NCKAP5: variants seen among roughly 807,000 people sequenced by gnomAD.
The protein encoded by NCKAP5 is NCK associated protein 5.
A neutral mutation model predicts 167.0 loss-of-function variants in NCKAP5; 92 were observed. The ratio of observed to expected loss-of-function variants is 0.55; its 90% CI spans 0.47 to 0.66. The LOEUF is 0.66. NCKAP5 is among the 30% of genes least tolerant of loss of function. NCKAP5 has a pLI of 0.00. For synonymous variants in NCKAP5, 891 were observed against 877.4 expected, an observed-to-expected ratio of 1.02 and a Z score of -0.27; for missense variants, 2,378 against 2,315.0, an observed-to-expected ratio of 1.03 and a Z score of -0.56.
In NCKAP5 at chr2:133,224,924, C is replaced by A. The variant is rs545391021; in HGVS notation, c.144-11145G>T. Among the ~76,000 whole-genome samples the A allele has an allele frequency of 2.6e-5, 4 of 152,200 alleles. No homozygotes were observed. In the South Asian group the frequency reaches 8.3e-4, roughly 32 times the overall value. ...AAATCATTGAAGAAACACTTAATTT[C>A]TTAATTATTGTGGAAAATCTAGGTT... On this transcript the variant is annotated intron_variant, in intron 4 of 19. Coordinates refer to ENST00000409261, the MANE Select transcript of NCKAP5 (RefSeq NM_207363.3).
the NCKAP5 span, among the ~76,000 whole-genome samples, chr2:133,603,525 C>T: frequency 8.1e-5 from 12 of 148,334 alleles, no homozygotes; most frequent in East Asian, 1.4e-3. Flanking sequence ...GTGCCCAGCC[C>T]GGCATCAGGG....
At chr2:133,232,361 G>A (rs1053832817) in intron 4 of NCKAP5, among the ~76,000 whole-genome samples, 1 of 152,068 alleles carries the variant, frequency 6.6e-6, no homozygotes, top group African/African-American at 2.4e-5. Context: ...GTCAGAGATC[G>A]GAATTCCATT....
chr2:133,075,828 C>A (rs926611924), intron 6 of NCKAP5, among the ~76,000 whole-genome samples: 26 of 151,570 alleles, frequency 1.7e-4, no homozygotes, highest in African/African-American at 5.6e-4. Flanking sequence ...GAAAAACAGG[C>A]CAAAAATAAA....
chr2:133,108,017 T>A (rs2081773362), intron 6 of NCKAP5, among the ~76,000 whole-genome samples: 1 of 152,234 alleles, frequency 6.6e-6, no homozygotes, highest in Non-Finnish European at 1.5e-5. Context: ...TCCCTCATGC[T>A]ATTTTTCAAG....
upstream of NCKAP5, among the ~76,000 whole-genome samples, chr2:133,571,961 G>A (rs1047390910): frequency 2.0e-5 from 3 of 148,858 alleles, no homozygotes. Context: ...GGCAACAAGA[G>A]TGAAACTCCA....
At chr2:133,610,098 G>T in the NCKAP5 span, among the ~76,000 whole-genome samples, 19 of 152,078 alleles carry the variant, frequency 1.2e-4, no homozygotes, top group South Asian at 3.9e-3. Flanking sequence ...TCAATACATC[G>T]CATCGATTTT....
At chr2:132,700,940 G>T (rs13020507) in intron 19 of NCKAP5, among the ~76,000 whole-genome samples, 12 of 137,302 alleles carry the variant, frequency 8.7e-5, no homozygotes, top group Admixed American at 2.3e-4. Flanking sequence ...CGGGGGGGGG[G>T]GCTTTTAAGC....
At chr2:133,202,856 G>T (rs1327618532) in intron 5 of NCKAP5, among the ~76,000 whole-genome samples, 2 of 152,126 alleles carry the variant, frequency 1.3e-5, no homozygotes, top group African/African-American at 4.8e-5. Flanking sequence ...TCTCACACCA[G>T]TTAGAATGGT....
chr2:133,025,501 T>C (rs2078666179), intron 6 of NCKAP5, among the ~76,000 whole-genome samples: 1 of 152,210 alleles, frequency 6.6e-6, no homozygotes, highest in Non-Finnish European at 1.5e-5. Flanking sequence ...ATTAAGCATC[T>C]GTGAGAGGTG....
chr2:133,589,292 G>C, the NCKAP5 span, among the ~76,000 whole-genome samples: 2 of 152,048 alleles, frequency 1.3e-5, no homozygotes, highest in African/African-American at 4.8e-5. Flanking sequence ...AAGTAAATAT[G>C]AGTGTGGAAG....
At chr2:132,688,269 T>A (rs1182071339) in intron 19 of NCKAP5, among the ~76,000 whole-genome samples, 1 of 152,172 alleles carries the variant, frequency 6.6e-6, no homozygotes, top group South Asian at 2.1e-4. Flanking sequence ...TTTGTCATTT[T>A]AAAAATCATG....
At chr2:132,846,008 G>T (rs888638008) in intron 11 of NCKAP5, among the ~76,000 whole-genome samples, 1 of 151,722 alleles carries the variant, frequency 6.6e-6, no homozygotes, top group Non-Finnish European at 1.5e-5. Context: ...TAGGTTTATT[G>T]CTATGTAGTT....
chr2:133,507,672 T>C (rs533116597), intron 3 of NCKAP5, among the ~76,000 whole-genome samples: 1 of 152,320 alleles, frequency 6.6e-6, no homozygotes, highest in Middle Eastern at 3.4e-3. Flanking sequence ...GCAGTGCCTC[T>C]GGTGTTAACT....
At chr2:133,559,693 A>C (rs575150554) in intron 1 of NCKAP5, among the ~76,000 whole-genome samples, 1 of 152,322 alleles carries the variant, frequency 6.6e-6, no homozygotes, top group African/African-American at 2.4e-5. Flanking sequence ...CAAAGTCAGT[A>C]GAGTTCAGAA....
At chr2:132,974,706 G>A (rs140060364) in intron 7 of NCKAP5, among the ~76,000 whole-genome samples, 163 of 152,324 alleles carry the variant, frequency 1.1e-3, no homozygotes, top group African/African-American at 3.8e-3. Context: ...AGCCAAGCGT[G>A]AACCATGCTA....
At chr2:132,958,178 A>G (rs183656799) in intron 8 of NCKAP5, among the ~76,000 whole-genome samples, 1 of 152,286 alleles carries the variant, frequency 6.6e-6, no homozygotes, top group East Asian at 1.9e-4. Flanking sequence ...TAGCATATAT[A>G]AACATAAATG....
intron 3 of NCKAP5, among the ~76,000 whole-genome samples, chr2:133,488,137 T>C (rs1681075332): frequency 6.6e-6 from 1 of 152,226 alleles, no homozygotes; most frequent in Non-Finnish European, 1.5e-5. Context: ...TCAAAGTGCA[T>C]AGCACAGATT....
intron 3 of NCKAP5, among the ~76,000 whole-genome samples, chr2:133,419,094 C>T (rs1262597258): frequency 6.6e-6 from 1 of 152,182 alleles, no homozygotes; most frequent in Non-Finnish European, 1.5e-5. Context: ...TCAGTTGGAA[C>T]TCTGTTCTTC....
chr2:132,743,352 C>CTA (rs1333357329), intron 16 of NCKAP5, among the ~76,000 whole-genome samples: 2 of 151,452 alleles, frequency 1.3e-5, no homozygotes, highest in South Asian at 2.1e-4. Flanking sequence ...AATATATGAT[C>CTA]TATATATATA....
Sources: gnomAD v4.1 joint callset for allele counts (sites outside exome capture counted in the v4.1 genomes callset) on GRCh38, gnomAD v4.1.1 for gene constraint, MANE v1.5 for transcripts, NCBI Gene and HGNC (gene_info 2026-07-23, HGNC 2026-07-21) for gene names.